DHX9: variants seen among roughly 807,000 people sequenced by gnomAD.
The protein encoded by DHX9 is DExH-box helicase 9.
A neutral mutation model predicts 148.7 loss-of-function variants in DHX9; 27 were observed. That is an observed-to-expected ratio of 0.18 (90% CI 0.13 to 0.25). The LOEUF is 0.25. Ranked by LOEUF, DHX9 falls within the 10% of genes least tolerant of loss-of-function variation. The pLI, the probability that DHX9 is intolerant of heterozygous loss-of-function variation, is 1.00. For synonymous variants in DHX9, 529 were observed against 516.6 expected (o/e 1.02, Z -0.33); for missense variants, 796 against 1,559.6 (o/e 0.51, Z 8.25).
chr1:182,876,496 G>A lies in DHX9; in HGVS notation c.2079G>A (p.Glu693=). The change falls in exon 18 of 28, where the codon GAG becomes GAA. Residue 693 remains glutamate (E), a synonymous_variant. Transcript: ENST00000367549. ...ILPLHSQIPR[E]EQRKVFDPVP... ...CCCTGCATTCTCAGATTCCTCGAGA[G>A]GAACAGCGCAAAGTGTTTGATCCAG... 2.5e-6 allele frequency: 4 copies of A among 1,613,028 alleles called. No individual in the cohort carries two copies. The highest frequency in any genetic ancestry group is 3.4e-6 in the Non-Finnish European group (4 of 1,179,800).
At chr1:182,867,098 A>G (rs1320267165) in intron 14 of DHX9, 55 bp downstream of exon 14, 19 of 1,082,284 alleles carry the variant, frequency 1.8e-5, no homozygotes, top group South Asian at 1.2e-4. Flanking sequence ...TCTAAGAGAA[A>G]TCAGTAGAAT....
chr1:182,866,297 C>A, intron 12 of DHX9, 147 bp from the exon 13 acceptor site: 1 of 835,110 alleles, frequency 1.2e-6, no homozygotes, highest in Admixed American at 3.0e-5. Flanking sequence ...TGCCGTAGAA[C>A]CAAATAGTAT....
chr1:182,854,395 G>A (rs1015947806), intron 6 of DHX9, among the ~76,000 whole-genome samples: 4 of 152,178 alleles, frequency 2.6e-5, no homozygotes, highest in East Asian at 1.9e-4. Context: ...GAAGTTCAGC[G>A]TAAATCTTTT....
intron 5 of DHX9, 121 bp downstream of exon 5, chr1:182,853,539 G>A (rs1668197826): frequency 4.5e-6 from 3 of 672,230 alleles, no homozygotes; most frequent in Non-Finnish European, 2.5e-6. Context: ...GAGGTTATTT[G>A]AGACTACTTA....
At chr1:182,885,610 A>T (rs1649283929) in intron 27 of DHX9, among the ~76,000 whole-genome samples, 1 of 152,238 alleles carries the variant, frequency 6.6e-6, no homozygotes, top group Non-Finnish European at 1.5e-5. Context: ...CTAATTCCTC[A>T]TCAAAAATGA....
intron 19 of DHX9, chr1:182,877,579 T>C (rs1648869779): frequency 6.4e-6 from 1 of 157,220 alleles, no homozygotes; most frequent in Non-Finnish European, 1.4e-5. Context: ...ATTGAAGGAA[T>C]CTGAGGTTAC....
chr1:182,871,235 A>T (rs1391812282), intron 14 of DHX9, among the ~76,000 whole-genome samples: 1 of 152,206 alleles, frequency 6.6e-6, no homozygotes, highest in Non-Finnish European at 1.5e-5. Context: ...TCAAAAATAC[A>T]GGCATTTTAT....
chr1:182,857,445 C>T (rs919880495), intron 7 of DHX9, among the ~76,000 whole-genome samples: 1 of 152,214 alleles, frequency 6.6e-6, no homozygotes, highest in Non-Finnish European at 1.5e-5. Context: ...CCAGATCCAG[C>T]GTACTGCCTG....
In DHX9 at chr1:182,887,340, G is replaced by A. The variant is rs1185459702; in HGVS notation, c.3719G>A (p.Gly1240Asp). The change falls in exon 28 of 28, where the codon GGC becomes GAC. Residue 1240 changes from glycine to aspartate, a missense_variant. Gly to Asp is a moderately conservative substitution (Grantham distance 94, BLOSUM62 -1). Around this residue, in one of 14 missense-constraint regions of DHX9, gnomAD observed 98 missense variants for 105.5 expected, o/e 0.93. Coordinates refer to ENST00000367549, the MANE Select transcript of DHX9 (RefSeq NM_001357.5). Reference sequence around the variant, plus strand: ...GGAGACTACAGAGGGCCTAGTGGAGGCTACAGAGGATCTGGGGGATTCCAG... The same window carrying A: ...GGAGACTACAGAGGGCCTAGTGGAGACTACAGAGGATCTGGGGGATTCCAG... Reference protein sequence around the residue: ...SGGDYRGPSGGYRGSGGFQRG... With the variant: ...SGGDYRGPSGDYRGSGGFQRG... 2 of 1,614,204 alleles carry A rather than the reference G, an allele frequency of 1.2e-6. No homozygotes were observed. The highest frequency in any genetic ancestry group is 1.7e-6 in the Non-Finnish European group (2 of 1,180,038).
At chr1:182,840,426 A>C (rs1667901735) in intron 1 of DHX9, among the ~76,000 whole-genome samples, 2 of 149,278 alleles carry the variant, frequency 1.3e-5, no homozygotes, top group Non-Finnish European at 2.9e-5. Flanking sequence ...CAGCCTCCGG[A>C]GTAGCTGGGA....
chr1:182,854,439 T>C (rs1025566873), intron 6 of DHX9, among the ~76,000 whole-genome samples: 2 of 152,238 alleles, frequency 1.3e-5, no homozygotes, highest in Non-Finnish European at 2.9e-5. Flanking sequence ...CTCATTTGAA[T>C]CTGAAAGGCA....
chr1:182,850,661 T>C (rs534323387), intron 3 of DHX9, among the ~76,000 whole-genome samples: 1 of 152,132 alleles, frequency 6.6e-6, no homozygotes, highest in South Asian at 2.1e-4. Flanking sequence ...AAATGGACTA[T>C]AGCATTGCCA....
chr1:182,856,786 G>T (rs1221708418), intron 7 of DHX9, among the ~76,000 whole-genome samples: 1 of 152,232 alleles, frequency 6.6e-6, no homozygotes, highest in East Asian at 1.9e-4. Context: ...GACCATGTTA[G>T]TGTAATCTTT....
chr1:182,866,848 T>C, intron 13 of DHX9, 113 bp from the exon 14 acceptor site: 1 of 845,828 alleles, frequency 1.2e-6, no homozygotes. Context: ...TAAATGTACA[T>C]GTGATTATTT....
intron 3 of DHX9, 25 bp from the exon 4 acceptor site, chr1:182,852,208 G>A (rs1362713510): frequency 1.3e-6 from 2 of 1,541,682 alleles, no homozygotes; most frequent in East Asian, 2.3e-5. Context: ...AGCACTGACA[G>A]CTGCCTTGAC....
chr1:182,852,236 G>T lies in DHX9; in HGVS notation c.256G>T (p.Ala86Ser). ...KSEEVPAFGV[A>S]SPPPLTDTPD... ...GCCTTGACTTTTTCTTTTGCAGGTAGCATCTCCGCCCCCACTTACTGATAC... is the reference window on the plus strand; with the variant it reads ...GCCTTGACTTTTTCTTTTGCAGGTATCATCTCCGCCCCCACTTACTGATAC... The change falls in exon 4 of 28, where the codon GCA (alanine) becomes TCA (serine). Residue 86 changes from alanine (A) to serine (S), a missense_variant. This residue lies in a region of DHX9 where 89 missense variants were observed against 77.5 expected (regional missense o/e 1.15). Coordinates refer to ENST00000367549, the MANE Select transcript of DHX9 (RefSeq NM_001357.5). 6.2e-7 allele frequency: 1 copy of T among 1,600,740 alleles called. No individual in the cohort carries two copies.
In DHX9 at chr1:182,872,393, C is replaced by T. The variant is rs1279900432; in HGVS notation, c.1614C>T (p.Arg538=). Residue 538 remains arginine, a synonymous_variant, in exon 15 of 28, where the codon CGC becomes CGT. Transcript: ENST00000367549. The part of the protein sequence containing the change: ...RDVVQAYPEV[R]IVLMSATIDT... ...TTGTTCAGGCTTATCCTGAAGTTCG[C>T]ATTGTTCTTATGTCTGCTACTATTG... The T allele has an allele frequency of 1.9e-6, 3 of 1,613,844 alleles. No individual in the cohort carries two copies. Among genetic ancestry groups the T allele is most frequent in the African/African-American group, 2.7e-5 (2 of 74,924 alleles).
chr1:182,882,692 C>T (rs547048593), intron 24 of DHX9, among the ~76,000 whole-genome samples: 26 of 152,032 alleles, frequency 1.7e-4, no homozygotes, highest in African/African-American at 5.5e-4. Flanking sequence ...CGGTGAAACC[C>T]GTCTCTACTA....
intron 3 of DHX9, among the ~76,000 whole-genome samples, chr1:182,844,849 G>A (rs1026002203): frequency 6.6e-6 from 1 of 151,796 alleles, no homozygotes; most frequent in East Asian, 1.9e-4. Context: ...TTTTAGTAGA[G>A]ACAGATTTTC....
Sources: allele counts gnomAD v4.1 joint callset (sites outside exome capture counted in the v4.1 genomes callset), GRCh38; gene constraint gnomAD v4.1.1; regional missense constraint gnomAD v4.1.1; transcripts MANE v1.5; gene names NCBI Gene and HGNC (gene_info 2026-07-23, HGNC 2026-07-21).